Variants in UBE2T observed in about 807,000 individuals in gnomAD.
The protein encoded by UBE2T is ubiquitin conjugating enzyme E2 T, also known as ubiquitin-conjugating enzyme E2 T.
A neutral mutation model predicts 23.3 loss-of-function variants in UBE2T; 15 were observed. The ratio of observed to expected loss-of-function variants is 0.64; its 90% confidence interval spans 0.43 to 0.99. The LOEUF is 0.99. Ranked by LOEUF, UBE2T falls within the 50% of genes least tolerant of loss-of-function variation. UBE2T has a pLI of 0.00. For missense variants in UBE2T, 197 were observed against 234.9 expected (o/e 0.84, Z 1.05); for synonymous variants, 67 against 78.4 (o/e 0.85, Z 0.77).
chr1:202,331,999 C>A, intron 6 of UBE2T, 39 bp from the exon 7 acceptor site: 1 of 1,604,806 alleles, frequency 6.2e-7, no homozygotes, highest in Non-Finnish European at 8.5e-7. Flanking sequence ...AAGGTTCACA[C>A]AAATGCCAGG....
chr1:202,340,743 C>A lies in UBE2T; in HGVS notation c.-65+1152G>T, dbSNP rs1447180494. Among the ~76,000 whole-genome samples, 5 of 152,060 alleles carry A rather than the reference C, an allele frequency of 3.3e-5. No homozygotes were observed. The South Asian group carries it at 6.2e-4, about 19-fold the overall frequency. ...AAAAGTATCACAAGTATAAAGTATACCTTTATATAAAATGAGAACAGTGGA... is the reference window on the plus strand; with the variant it reads ...AAAAGTATCACAAGTATAAAGTATAACTTTATATAAAATGAGAACAGTGGA... On this transcript the variant is annotated intron_variant, in intron 1 of 6. Transcript: ENST00000646651.
chr1:202,337,037 G>A (rs1271818243), intron 1 of UBE2T, among the ~76,000 whole-genome samples: 5 of 152,102 alleles, frequency 3.3e-5, no homozygotes, highest in Admixed American at 2.0e-4. Flanking sequence ...TCAGCCTTCC[G>A]GGTTCAAGCA....
rs1383425925 is a variant in UBE2T at position 202,331,707 on chromosome 1, A to G, written c.*128T>C. ...TCAGGTTTAAAAGATTTCAAAATAC[A>G]TATGTACAAGATAAATAAACTACAC... is the stretch of plus-strand genomic sequence containing the variant. On this transcript the variant is annotated 3_prime_UTR_variant, in exon 7 of 7. Coordinates refer to ENST00000646651, the MANE Select transcript of UBE2T (RefSeq NM_014176.4). 4 of 1,155,234 alleles carry G rather than the reference A, an allele frequency of 3.5e-6. No individual in the cohort carries two copies. Among genetic ancestry groups the G allele is most frequent in the South Asian group, 1.5e-5 (1 of 64,818 alleles). The allele number at this position is 1,155,234 out of a possible 1,614,324, so 71.6% of individuals were successfully genotyped here.
chr1:202,338,391 G>A (rs1049795776), intron 1 of UBE2T, among the ~76,000 whole-genome samples: 4 of 151,890 alleles, frequency 2.6e-5, no homozygotes, highest in African/African-American at 9.7e-5. Context: ...AGGTAATATT[G>A]TATTTTTTTA....
At chr1:202,338,899 AAAAG>A (rs1219726840) in intron 1 of UBE2T, among the ~76,000 whole-genome samples, 1 of 151,924 alleles carries the variant, frequency 6.6e-6, no homozygotes, top group Non-Finnish European at 1.5e-5. Context: ...AAAAAAAGAA[AAAAG>A]AAAGAAAGAA....
chr1:202,335,186 C>G lies in UBE2T; in HGVS notation c.110-128G>C, dbSNP rs1334836145. ...CTAGGACAATAATTCTCTGCCAGGA[C>G]TTTAACAAGTCCTCATGCAACACAC... On this transcript the variant is annotated intron_variant, in intron 2 of 6. Transcript: ENST00000646651. This position sits in a 1 kb window ranked among gnomAD's most constrained non-coding sequence, Gnocchi z 4.0. 9 of 724,588 alleles carry G rather than the reference C, an allele frequency of 1.2e-5. No individual in the cohort carries two copies. Among genetic ancestry groups the G allele is most frequent in the Non-Finnish European group, 1.8e-5 (8 of 443,178 alleles). The allele number at this position is 724,588 out of a possible 1,614,324, so 44.9% of individuals were successfully genotyped here. A position where few individuals can be genotyped will look rare whatever the true frequency, so the allele number is the denominator to read the frequency against.
chr1:202,336,706 G>C (rs1011721333), intron 1 of UBE2T, among the ~76,000 whole-genome samples: 1 of 152,160 alleles, frequency 6.6e-6, no homozygotes, highest in Non-Finnish European at 1.5e-5. Flanking sequence ...GAATGGTAGA[G>C]ATAGTCAACA....
Position 202,335,417 on chromosome 1 carries a change from A to C in UBE2T, c.109+229T>G. ...TTATCTTTGATCTAAACACTGCTTCACTGCTTTAAATCTTGGCTATAAATC... is the reference window on the plus strand; with the variant it reads ...TTATCTTTGATCTAAACACTGCTTCCCTGCTTTAAATCTTGGCTATAAATC... On this transcript the variant is annotated intron_variant, in intron 2 of 6. Transcript: ENST00000646651. This position sits in a 1 kb window ranked among gnomAD's most constrained non-coding sequence, Gnocchi z 4.0. The C allele has an allele frequency of 1.8e-6, 1 of 565,112 alleles. No homozygotes were observed. Among genetic ancestry groups the C allele is most frequent in the Non-Finnish European group, 3.1e-6 (1 of 317,634 alleles). The allele number at this position is 565,112 out of a possible 1,614,324, so 35.0% of individuals were successfully genotyped here.
rs142953960 is a variant in UBE2T at position 202,337,891 on chromosome 1, T to G, written c.-64-2073A>C. 4.0e-4 allele frequency among the ~76,000 whole-genome samples: 61 copies of G among 152,300 alleles called. No individual in the cohort carries two copies. The East Asian group carries it at 8.3e-3, about 21-fold the overall frequency. On this transcript the variant is annotated intron_variant, in intron 1 of 6. Transcript: ENST00000646651. ...TTGCTCTTCCATATAAATTTGAGAA[T>G]CAGTTCATAAGTCCATAAATATATA... is the stretch of plus-strand genomic sequence containing the variant.
Position 202,333,433 on chromosome 1 carries a change from A to G in UBE2T, c.285+17T>C. ...AAAACAGAATGCTGTAGAGTCAACC[A>G]TTTACCCACAACTCACTTTTGGTGG... On this transcript the variant is annotated intron_variant, in intron 4 of 6. Transcript: ENST00000646651. 1 of 1,613,844 alleles carries G rather than the reference A, an allele frequency of 6.2e-7. No individual in the cohort carries two copies. Among genetic ancestry groups the G allele is most frequent in the Non-Finnish European group, 8.5e-7 (1 of 1,179,744 alleles).
chr1:202,331,704 T>C lies in UBE2T; in HGVS notation c.*131A>G. ...TTTTCAGGTTTAAAAGATTTCAAAATACATATGTACAAGATAAATAAACTA... is the reference window on the plus strand; with the variant it reads ...TTTTCAGGTTTAAAAGATTTCAAAACACATATGTACAAGATAAATAAACTA... On this transcript the variant is annotated 3_prime_UTR_variant, in exon 7 of 7. Transcript: ENST00000646651. The C allele has an allele frequency of 8.9e-7, 1 of 1,129,400 alleles. No homozygotes were observed. Among genetic ancestry groups the C allele is most frequent in the Non-Finnish European group, 1.3e-6 (1 of 797,674 alleles). 70.0% of individuals were successfully genotyped at this position (1,129,400 alleles called of 1,614,324 possible). A position where few individuals can be genotyped will look rare whatever the true frequency, so the allele number is the denominator to read the frequency against.
At chr1:202,337,251 C>T (rs1209016408) in intron 1 of UBE2T, among the ~76,000 whole-genome samples, 2 of 152,094 alleles carry the variant, frequency 1.3e-5, no homozygotes, top group Non-Finnish European at 2.9e-5. Flanking sequence ...AACACCAATC[C>T]TTTAATGTGT....
At chr1:202,339,078 T>A (rs1422321782) in intron 1 of UBE2T, among the ~76,000 whole-genome samples, 1 of 69,946 alleles carries the variant, frequency 1.4e-5, no homozygotes, top group Non-Finnish European at 2.7e-5. Context: ...TATTGCCTCC[T>A]TTTTTTTTTT....
At chr1:202,339,787 T>TGCAG (rs1654961497) in intron 1 of UBE2T, among the ~76,000 whole-genome samples, 2 of 151,492 alleles carry the variant, frequency 1.3e-5, no homozygotes, top group Admixed American at 6.6e-5. Flanking sequence ...CACCTGTAAT[T>TGCAG]GCAGCACTTT....
chr1:202,333,762 T>A (rs568492028), intron 3 of UBE2T, among the ~76,000 whole-genome samples: 11 of 152,260 alleles, frequency 7.2e-5, no homozygotes, highest in African/African-American at 2.6e-4. Flanking sequence ...AACATCCATA[T>A]ATCTACCACC....
Position 202,331,848 on chromosome 1 carries a change from T to A in UBE2T, c.581A>T (p.His194Leu), listed in dbSNP as rs774711510. ...AGGACAAGTCCCCTAAACATCAGGA[T>A]GAAATTTCTTTTCTATGCCTACTAG... is the stretch of plus-strand genomic sequence containing the variant. Reference protein sequence around the residue: ...SQLVGIEKKFHPDV With the variant: ...SQLVGIEKKFLPDV Residue 194 changes from histidine to leucine, a missense_variant, in exon 7 of 7, where the codon CAT becomes CTT. Physicochemically the swap from His to Leu is moderately conservative, Grantham distance 99. Transcript: ENST00000646651. 6.2e-7 allele frequency: 1 copy of A among 1,614,142 alleles called. No individual in the cohort carries two copies. The highest frequency in any genetic ancestry group is 8.5e-7 in the Non-Finnish European group (1 of 1,180,024).
chr1:202,336,761 G>A (rs1243820389), intron 1 of UBE2T, among the ~76,000 whole-genome samples: 1 of 152,162 alleles, frequency 6.6e-6, no homozygotes, highest in Non-Finnish European at 1.5e-5. Context: ...TTCTCTCCAT[G>A]TGCTATGGAT....
rs1571469825 is a variant in UBE2T at position 202,332,985 on chromosome 1, C to T, written c.468+25G>A. ...CTTTATACTATATATACTTAATTAA[C>T]TGACAATAGTAGCAAACATTATACC... is the stretch of plus-strand genomic sequence containing the variant. On this transcript the variant is annotated intron_variant, in intron 6 of 6. Coordinates refer to ENST00000646651, the MANE Select transcript of UBE2T (RefSeq NM_014176.4). 1.8e-5 allele frequency: 22 copies of T among 1,229,034 alleles called. No homozygotes were observed. In the East Asian group the frequency reaches 7.4e-4, roughly 41 times the overall value. The allele number at this position is 1,229,034 out of a possible 1,614,324, so 76.1% of individuals were successfully genotyped here.
At chr1:202,338,699 A>G (rs888028372) in intron 1 of UBE2T, among the ~76,000 whole-genome samples, 3 of 152,080 alleles carry the variant, frequency 2.0e-5, no homozygotes, top group African/African-American at 7.2e-5. Context: ...CTTCTAGTAC[A>G]ATGTTAAATG....
Sources: allele counts gnomAD v4.1 joint callset (sites outside exome capture counted in the v4.1 genomes callset), GRCh38; gene constraint gnomAD v4.1.1; non-coding constraint Gnocchi (gnomAD v3.1); transcripts MANE v1.5; gene names NCBI Gene and HGNC (gene_info 2026-07-23, HGNC 2026-07-21).